SMIM36: variants seen among roughly 807,000 people sequenced by gnomAD.
SMIM36 encodes small integral membrane protein 36.
chr17:55,469,451 A>C (rs1351439674), intron 3 of SMIM36, among the ~76,000 whole-genome samples: 1 of 152,182 alleles, frequency 6.6e-6, no homozygotes, highest in Non-Finnish European at 1.5e-5. Flanking sequence ...CTAGACCCAG[A>C]GGGGCCAGAA....
chr17:55,498,999 C>CAAAAAAAAAAAAAA (rs60117513), intron 1 of SMIM36, among the ~76,000 whole-genome samples: 1 of 67,048 alleles, frequency 1.5e-5, no homozygotes, highest in Non-Finnish European at 3.0e-5. Flanking sequence ...ACTCTGTCAC[C>CAAAAAAAAAAAAAA]AAAAAAAAAA....
At chr17:55,487,017 C>G (rs1481472639) in intron 1 of SMIM36, among the ~76,000 whole-genome samples, 1 of 152,200 alleles carries the variant, frequency 6.6e-6, no homozygotes, top group Non-Finnish European at 1.5e-5. Context: ...GGCATGGCCT[C>G]TGGCTGCGAG....
At chr17:55,507,563 C>T (rs1214925442) in intron 1 of SMIM36, among the ~76,000 whole-genome samples, 2 of 102,710 alleles carry the variant, frequency 1.9e-5, no homozygotes, top group African/African-American at 7.9e-5. Context: ...GAATATCACA[C>T]TCTGGGGACT....
upstream of SMIM36, among the ~76,000 whole-genome samples, chr17:55,515,086 G>GTTT (rs1158864125): frequency 0.065 from 3,510 of 53,896 alleles, 864 homozygotes; most frequent in Non-Finnish European, 0.092. Flanking sequence ...CTAGTCTAGT[G>GTTT]TTTTTTTTTT....
At chr17:55,472,602 G>A (rs1467066958) in intron 3 of SMIM36, among the ~76,000 whole-genome samples, 1 of 152,224 alleles carries the variant, frequency 6.6e-6, no homozygotes, top group Non-Finnish European at 1.5e-5. Context: ...GCCGGGCTTG[G>A]TGGCTCACGC....
chr17:55,523,529 CAAAA>C, the SMIM36 span, among the ~76,000 whole-genome samples: 5 of 62,146 alleles, frequency 8.0e-5, no homozygotes, highest in Admixed American at 1.9e-4. Flanking sequence ...GACTCCGTCT[CAAAA>C]AAAAAAAAAA....
intron 1 of SMIM36, among the ~76,000 whole-genome samples, chr17:55,497,540 C>T (rs552878894): frequency 6.6e-6 from 1 of 152,260 alleles, no homozygotes; most frequent in South Asian, 2.1e-4. Context: ...GCTGGGATTA[C>T]AGGCGTGAAC....
At chr17:55,489,326 C>T (rs983819021) in intron 1 of SMIM36, among the ~76,000 whole-genome samples, 6 of 151,752 alleles carry the variant, frequency 4.0e-5, no homozygotes, top group East Asian at 1.9e-4. Flanking sequence ...TGCAGTGAGC[C>T]GAGATCACTC....
intron 3 of SMIM36, among the ~76,000 whole-genome samples, chr17:55,477,440 A>G (rs1682988685): frequency 6.6e-6 from 1 of 152,086 alleles, no homozygotes; most frequent in Non-Finnish European, 1.5e-5. Context: ...TGTCTTCTAC[A>G]TGTGTCTGTC....
rs538096690 is a variant in SMIM36 at position 55,472,341 on chromosome 17, G to A, written c.*348-5013C>T. Among the ~76,000 whole-genome samples the A allele has an allele frequency of 8.7e-4, 132 of 152,218 alleles. 1 individual carries two copies. The highest frequency in any genetic ancestry group is 1.7e-3 in the Admixed American group (26 of 15,298). On this transcript the variant is annotated intron_variant, in intron 3 of 4. Coordinates refer to ENST00000636752, the Ensembl canonical transcript of SMIM36. The stretch of plus-strand genomic sequence containing the variant: ...CCAAACTGATTGCTTTAACTCGTGT[G>A]CTCTCTCTCGCTAAAGGAATGCATA...
At chr17:55,450,150 C>T (rs1908882416) in exon 5 of SMIM36, 2 of 152,076 alleles carry the variant, frequency 1.3e-5, no homozygotes, top group African/African-American at 2.4e-5. Flanking sequence ...AGCAGTATGA[C>T]CAGGTAGGTT....
chr17:55,508,023 C>A (rs1910109272), intron 1 of SMIM36, among the ~76,000 whole-genome samples: 1 of 152,174 alleles, frequency 6.6e-6, no homozygotes, highest in Non-Finnish European at 1.5e-5. Flanking sequence ...GCCTAAGGGA[C>A]CCCTCTGGCT....
chr17:55,466,233 C>G (rs1349278538), intron 4 of SMIM36, among the ~76,000 whole-genome samples: 2 of 134,740 alleles, frequency 1.5e-5, no homozygotes, highest in African/African-American at 5.7e-5. Context: ...GCTGAGATTG[C>G]ACTACTGTAC....
rs1444618357 is a variant in SMIM36 at position 55,467,598 on chromosome 17, G to A, written c.*348-270C>T. 2.0e-5 allele frequency among the ~76,000 whole-genome samples: 3 copies of A among 152,092 alleles called. No individual in the cohort carries two copies. In the East Asian group the frequency reaches 5.8e-4, roughly 29 times the overall value. ...TTTTTAGTAGAGACGGGGTTTCACT[G>A]TGTTAGCCAGGATGGTCTCGATCTC... On this transcript the variant is annotated intron_variant, in intron 3 of 4. Transcript: ENST00000636752.
intron 1 of SMIM36, among the ~76,000 whole-genome samples, chr17:55,500,485 T>C (rs377645150): frequency 6.6e-6 from 1 of 151,912 alleles, no homozygotes; most frequent in East Asian, 1.9e-4. Flanking sequence ...ATTGAAAAGA[T>C]TGTTTTAAAG....
chr17:55,461,855 T>G (rs933218485), intron 4 of SMIM36, among the ~76,000 whole-genome samples: 1 of 152,188 alleles, frequency 6.6e-6, no homozygotes, highest in African/African-American at 2.4e-5. Flanking sequence ...CATACTGTTT[T>G]TGATTCTGTA....
chr17:55,463,733 A>G (rs1295198748), intron 4 of SMIM36, among the ~76,000 whole-genome samples: 1 of 152,076 alleles, frequency 6.6e-6, no homozygotes, highest in Non-Finnish European at 1.5e-5. Context: ...GCATTCAGAA[A>G]CAGGAAGCCT....
the SMIM36 span, among the ~76,000 whole-genome samples, chr17:55,521,857 CT>C: frequency 9.6e-3 from 1,361 of 141,126 alleles, 11 homozygotes; most frequent in African/African-American, 0.029. Flanking sequence ...ACCGCTTTGA[CT>C]TTTTTTTTTT....
At chr17:55,492,468 T>C (rs1036849052) in intron 1 of SMIM36, among the ~76,000 whole-genome samples, 2 of 151,542 alleles carry the variant, frequency 1.3e-5, no homozygotes, top group African/African-American at 4.8e-5. Context: ...ATGGTCACGA[T>C]CTCTTGACCT....
Sources: allele counts gnomAD v4.1 joint callset (sites outside exome capture counted in the v4.1 genomes callset), GRCh38; gene constraint gnomAD v4.1.1; transcripts MANE v1.5; gene names NCBI Gene and HGNC (gene_info 2026-07-23, HGNC 2026-07-21).